Variants in PHTF1 observed in about 807,000 individuals in gnomAD.
PHTF1 encodes the protein putative homeodomain transcription factor 1.
A neutral mutation model predicts 102.4 loss-of-function variants in PHTF1; 88 were observed. That is an observed-to-expected ratio of 0.86 (90% confidence interval 0.72 to 1.03). The LOEUF is 1.03. Among genes scored for constraint, PHTF1 ranks in the 50% least tolerant of loss-of-function variants. The pLI, the probability that PHTF1 is intolerant of heterozygous loss-of-function variation, is 0.00. For synonymous variants in PHTF1, 289 were observed against 305.2 expected (o/e 0.95, Z 0.55); for missense variants, 814 against 909.5 (o/e 0.89, Z 1.35).
Position 113,705,907 on chromosome 1 carries a change from C to T in PHTF1, c.1654G>A (p.Glu552Lys), listed in dbSNP as rs1156953536. The T allele has an allele frequency of 5.6e-6, 9 of 1,613,898 alleles. No homozygotes were observed. The highest frequency in any genetic ancestry group is 7.6e-6 in the Non-Finnish European group (9 of 1,179,944). ...WMFFFMMCVAERTYKQRFLFA... is the reference protein window; with the variant it reads ...WMFFFMMCVAKRTYKQRFLFA... ...CCACTGACCTGTTTATATGTTCTCT[C>T]TGCCACACACATCATGAAAAAAAAC... Residue 552 changes from glutamate (E) to lysine (K), a missense_variant, in exon 13 of 19, where the codon GAG (glutamate) becomes AAG (lysine). Glu to Lys is a moderately conservative substitution (Grantham distance 56). Coordinates refer to ENST00000369604, the MANE Select transcript of PHTF1 (RefSeq NM_001323043.2).
intron 14 of PHTF1, 37 bp downstream of exon 14, chr1:113,704,629 C>T (rs1247994026): frequency 1.3e-6 from 2 of 1,498,678 alleles, no homozygotes; most frequent in Non-Finnish European, 1.8e-6. Flanking sequence ...TGAGCATATT[C>T]TTGCACATAC....
intron 7 of PHTF1, among the ~76,000 whole-genome samples, chr1:113,717,243 A>T (rs950329735): frequency 1.3e-5 from 2 of 152,152 alleles, no homozygotes; most frequent in African/African-American, 4.8e-5. Context: ...AAATAAAAAG[A>T]AATAAATTTT....
chr1:113,715,648 C>CAAAGAAAAAAA (rs1651874005), intron 7 of PHTF1, among the ~76,000 whole-genome samples: 1 of 24,962 alleles, frequency 4.0e-5, no homozygotes, highest in Non-Finnish European at 7.9e-5. Context: ...AACCCTGTCT[C>CAAAGAAAAAAA]AAAAAAAAAA....
In PHTF1 at chr1:113,727,377, G is replaced by A. The variant is rs184598285; in HGVS notation, c.332-803C>T. ...AGGAGTTTTGTCTGATTTGTTCACC[G>A]CTATATCTAAAACTAGTACCTGGAG... is the stretch of plus-strand genomic sequence containing the variant. On this transcript the variant is annotated intron_variant, in intron 5 of 18. Transcript: ENST00000369604. Among the ~76,000 whole-genome samples the A allele has an allele frequency of 1.2e-4, 19 of 152,174 alleles. 1 individual carries two copies. The highest frequency in any genetic ancestry group is 6.5e-5 in the Admixed American group (1 of 15,274).
intron 17 of PHTF1, chr1:113,699,211 T>A: frequency 4.7e-6 from 1 of 211,096 alleles, no homozygotes; most frequent in South Asian, 7.3e-5. Context: ...GCCAGTCACC[T>A]TGCAAGGGTA....
At chr1:113,727,672 G>A (rs1654048817) in intron 5 of PHTF1, among the ~76,000 whole-genome samples, 2 of 152,140 alleles carry the variant, frequency 1.3e-5, no homozygotes, top group Admixed American at 6.5e-5. Flanking sequence ...ATGTAATAAA[G>A]AATTTGGTTG....
Position 113,712,107 on chromosome 1 carries a change from A to G in PHTF1, c.790T>C (p.Phe264Leu). The G allele has an allele frequency of 6.2e-7, 1 of 1,613,744 alleles. No individual in the cohort carries two copies. Among genetic ancestry groups the G allele is most frequent in the Non-Finnish European group, 8.5e-7 (1 of 1,179,730 alleles). Residue 264 changes from phenylalanine (F) to leucine (L), a missense_variant, in exon 9 of 19, where the codon TTT (phenylalanine) becomes CTT (leucine). By Grantham distance (22) the Phe-to-Leu change is conservative. Transcript: ENST00000369604. The part of the protein sequence containing the change: ...SDGEKCRREA[F>L]RRLGNGVSDD... ...GACACCCCATTACCCAAACGCCTAA[A>G]AGCCTCCTACAAAGAGAACAGCAAT...
At chr1:113,703,865 C>T in intron 15 of PHTF1, 11 of 471,478 alleles carry the variant, frequency 2.3e-5, no homozygotes, top group South Asian at 8.9e-5. Flanking sequence ...TAATAATTAC[C>T]AACTAAAATT....
chr1:113,721,489 T>A (rs993903096), intron 7 of PHTF1, among the ~76,000 whole-genome samples: 1 of 152,166 alleles, frequency 6.6e-6, no homozygotes, highest in Non-Finnish European at 1.5e-5. Context: ...TTCAACATAG[T>A]ACTAGAAGTC....
chr1:113,741,464 A>G (rs1359871502), intron 3 of PHTF1, among the ~76,000 whole-genome samples: 1 of 152,192 alleles, frequency 6.6e-6, no homozygotes, highest in Non-Finnish European at 1.5e-5. Flanking sequence ...AGGTAAAAAT[A>G]TTACTTTTTA....
intron 3 of PHTF1, chr1:113,749,707 C>T (rs1233099345): frequency 6.6e-6 from 1 of 152,220 alleles, no homozygotes; most frequent in African/African-American, 2.4e-5. Context: ...CTTTCTCACT[C>T]CTACAGATTA....
intron 5 of PHTF1, among the ~76,000 whole-genome samples, chr1:113,732,204 G>A (rs1654759152): frequency 6.6e-6 from 1 of 151,918 alleles, no homozygotes; most frequent in Non-Finnish European, 1.5e-5. Flanking sequence ...GCAGAATAAT[G>A]AAGAAATACT....
chr1:113,700,243 T>C, intron 16 of PHTF1: 1 of 757,200 alleles, frequency 1.3e-6, no homozygotes, highest in Non-Finnish European at 1.6e-6. Flanking sequence ...CCATTACGAT[T>C]CTAAGACAAA....
At chr1:113,722,194 G>A (rs561884635) in intron 7 of PHTF1, among the ~76,000 whole-genome samples, 37 of 150,700 alleles carry the variant, frequency 2.5e-4, no homozygotes, top group Non-Finnish European at 3.4e-4. Flanking sequence ...GGTCACGCCT[G>A]TAATCCCACC....
intron 3 of PHTF1, among the ~76,000 whole-genome samples, chr1:113,747,435 T>C (rs1282534752): frequency 6.6e-6 from 1 of 152,206 alleles, no homozygotes; most frequent in African/African-American, 2.4e-5. Flanking sequence ...AAGAGTTCTA[T>C]ATCAATTTTC....
intron 3 of PHTF1, among the ~76,000 whole-genome samples, chr1:113,748,019 C>A (rs1008990137): frequency 1.3e-5 from 2 of 152,166 alleles, no homozygotes; most frequent in African/African-American, 4.8e-5. Context: ...CGCTTGTCGC[C>A]CAGGCTAGAG....
At chr1:113,719,207 T>G (rs769310828) in intron 7 of PHTF1, among the ~76,000 whole-genome samples, 13 of 152,134 alleles carry the variant, frequency 8.5e-5, no homozygotes, top group Non-Finnish European at 1.6e-4. Flanking sequence ...TTCACCATGT[T>G]GGCCAGATTG....
chr1:113,737,782 G>A (rs1253325072), intron 5 of PHTF1, among the ~76,000 whole-genome samples: 1 of 152,114 alleles, frequency 6.6e-6, no homozygotes, highest in Non-Finnish European at 1.5e-5. Flanking sequence ...CTGGGTGACA[G>A]AGAGAGACCC....
chr1:113,702,287 A>G (rs189892395), intron 15 of PHTF1, among the ~76,000 whole-genome samples: 1 of 152,326 alleles, frequency 6.6e-6, no homozygotes, highest in African/African-American at 2.4e-5. Context: ...TAATAGGATT[A>G]GGTGGAATAT....
Sources: gnomAD v4.1 joint callset for allele counts (sites outside exome capture counted in the v4.1 genomes callset) on GRCh38, gnomAD v4.1.1 for gene constraint, MANE v1.5 for transcripts, NCBI Gene and HGNC (gene_info 2026-07-23, HGNC 2026-07-21) for gene names.